The following GPR137 variants were observed in gnomAD, a reference collection of about 807,000 sequenced individuals.
GPR137 encodes the protein integral membrane protein GPR137.
Under a neutral mutation model 38.9 loss-of-function variants are expected in GPR137, and 20 were observed. The ratio of observed to expected loss-of-function variants is 0.51; its 90% CI spans 0.36 to 0.75. The LOEUF (loss-of-function observed/expected upper bound fraction) is 0.75, where lower values mean the gene tolerates loss of function less well. Ranked by LOEUF, GPR137 falls within the 30% of genes least tolerant of loss-of-function variation. The pLI is 0.00. For synonymous variants in GPR137, 226 were observed against 235.8 expected (o/e 0.96, Z 0.38); for missense variants, 456 against 526.4 (o/e 0.87, Z 1.31).
intron 2 of GPR137, 25 bp from the exon 3 acceptor site, chr11:64,287,696 C>T (rs374932913): frequency 1.2e-5 from 20 of 1,600,828 alleles, no homozygotes; most frequent in Admixed American, 5.0e-5. Context: ...GTTGAGGGCC[C>T]GCGCTGACTG....
upstream of GPR137, chr11:64,285,591 G>T (rs1252130627): frequency 1.0e-6 from 1 of 984,080 alleles, no homozygotes; most frequent in East Asian, 1.1e-4. Context: ...CGTGGGAACT[G>T]GCGGACCCCC....
chr11:64,280,319 C>A (rs1348998517), upstream of GPR137, among the ~76,000 whole-genome samples: 1 of 113,880 alleles, frequency 8.8e-6, no homozygotes, highest in East Asian at 2.7e-4. Flanking sequence ...GACTCCATGT[C>A]AAAAATAAAA....
At chr11:64,277,082 C>T (rs2033123049) in intron 2 of GPR137, 1 of 694,420 alleles carries the variant, frequency 1.4e-6, no homozygotes, top group African/African-American at 1.8e-5. Context: ...CACTTAATTA[C>T]AAGACACTTG....
upstream of GPR137, among the ~76,000 whole-genome samples, chr11:64,272,302 G>C (rs1297619050): frequency 6.6e-6 from 1 of 151,316 alleles, no homozygotes; most frequent in Non-Finnish European, 1.5e-5. Context: ...CTGGGCGACA[G>C]GCTTTTTTTC....
At chr11:64,271,742 G>A (rs776057256), upstream of GPR137, 6 of 1,444,452 alleles carry the variant, frequency 4.2e-6, no homozygotes, top group South Asian at 5.9e-5. Context: ...CCATCCCTTC[G>A]TCGTCCTCCG....
At chr11:64,284,840 T>A (rs2033771879), upstream of GPR137, 4 of 1,511,350 alleles carry the variant, frequency 2.6e-6, no homozygotes, top group Non-Finnish European at 3.5e-6. Context: ...CGCATCCTTT[T>A]TCCTCCCTCC....
upstream of GPR137, among the ~76,000 whole-genome samples, chr11:64,283,730 T>A (rs2033639578): frequency 6.6e-6 from 1 of 152,212 alleles, no homozygotes; most frequent in African/African-American, 2.4e-5. Flanking sequence ...GGCAGGCCCC[T>A]TTTCCTTTTC....
intron 2 of GPR137, chr11:64,276,946 G>T (rs566098716): frequency 7.9e-6 from 6 of 756,982 alleles, no homozygotes; most frequent in Non-Finnish European, 1.5e-5. Context: ...CTGAGTCAGC[G>T]GCTGGGGCGG....
Position 64,289,438 on chromosome 11 carries a change from C to G in GPR137, c.*242C>G. Reference sequence around the variant, plus strand: ...TGACCTGCCACCTCTGCTTCCACACCGGAGCCAGCTACCTCTCCTGTGCCT... The same window carrying G: ...TGACCTGCCACCTCTGCTTCCACACGGGAGCCAGCTACCTCTCCTGTGCCT... On this transcript the variant is annotated 3_prime_UTR_variant, in exon 7 of 7. Transcript: ENST00000438980. 5 of 1,516,888 alleles carry G rather than the reference C, an allele frequency of 3.3e-6. No individual in the cohort carries two copies. Among genetic ancestry groups the G allele is most frequent in the Non-Finnish European group, 4.4e-6 (5 of 1,136,898 alleles). 94.0% of individuals were successfully genotyped at this position (1,516,888 alleles called of 1,614,324 possible). A position where few individuals can be genotyped will look rare whatever the true frequency, so the allele number is the denominator to read the frequency against.
In GPR137 at chr11:64,287,733, A is replaced by G. The variant is rs767225221; in HGVS notation, c.420A>G (p.Arg140=). The change falls in exon 3 of 7, where the codon CGA becomes CGG. Residue 140 remains arginine, a synonymous_variant. Transcript: ENST00000438980. Reference sequence around the variant, plus strand: ...GCTGTGGCTGCAGGCTCGCTGTCCGAGGGGCCTTTGTGGGGGCCTCGCTGC... The same window carrying G: ...GCTGTGGCTGCAGGCTCGCTGTCCGGGGGGCCTTTGTGGGGGCCTCGCTGC... ...PEMSRGLLAV[R]GAFVGASLLF... The G allele has an allele frequency of 1.2e-6, 2 of 1,604,648 alleles. No individual in the cohort carries two copies. Among genetic ancestry groups the G allele is most frequent in the Admixed American group, 3.3e-5 (2 of 60,000 alleles).
At position 64,287,516 on chromosome 11, in the gene GPR137, G is replaced by T. The variant is rs139519093; in HGVS notation, c.408-205G>T. The T allele has an allele frequency of 8.2e-4, 544 of 666,274 alleles. 7 individuals are homozygous for T. The South Asian group carries it at 0.013, about 16-fold the overall frequency. 41.3% of individuals were successfully genotyped at this position (666,274 alleles called of 1,614,324 possible). A position where few individuals can be genotyped will look rare whatever the true frequency, so the allele number is the denominator to read the frequency against. On this transcript the variant is annotated intron_variant, in intron 2 of 6. Coordinates refer to ENST00000438980, the MANE Select transcript of GPR137 (RefSeq NM_001170880.2). Reference sequence around the variant, plus strand: ...GCTCAGACAGAGACTTCTGACTCCAGTTGGTGCACCTTCCGAAGTACCATG... The same window carrying T: ...GCTCAGACAGAGACTTCTGACTCCATTTGGTGCACCTTCCGAAGTACCATG...
In GPR137 at chr11:64,285,924, C is replaced by T. The variant is rs1185991408; in HGVS notation, c.-601C>T. On this transcript the variant is annotated 5_prime_UTR_variant, in exon 1 of 7. Transcript: ENST00000438980. ...GGCTCTCCCATCAGCGGCCTGAGGA[C>T]CTGGCGTCCGCCTCCTCCCTCCCCT... 3 of 966,730 alleles carry T rather than the reference C, an allele frequency of 3.1e-6. No homozygotes were observed. The highest frequency in any genetic ancestry group is 3.5e-5 in the African/African-American group (2 of 56,904). 59.9% of individuals were successfully genotyped at this position (966,730 alleles called of 1,614,324 possible).
At chr11:64,287,617 G>A (rs2034246600) in intron 2 of GPR137, 104 bp from the exon 3 acceptor site, 3 of 1,561,168 alleles carry the variant, frequency 1.9e-6, no homozygotes, top group Non-Finnish European at 2.6e-6. Flanking sequence ...GCTCAGACTG[G>A]ATGCCCTGAG....
rs746167396 is a variant in GPR137, at chr11:64,286,701, G to A, written c.177G>A (p.Gln59=). 1 of 1,613,932 alleles carries A rather than the reference G, an allele frequency of 6.2e-7. No individual in the cohort carries two copies. Among genetic ancestry groups the A allele is most frequent in the Non-Finnish European group, 8.5e-7 (1 of 1,179,882 alleles). Reference sequence around the variant, plus strand: ...ATGGGCACAAGCGTCTCAGCTATCAGACGGTGTTCCTGGCCCTCTGTCTGC... The same window carrying A: ...ATGGGCACAAGCGTCTCAGCTATCAAACGGTGTTCCTGGCCCTCTGTCTGC... The part of the protein sequence containing the change: ...LLYGHKRLSY[Q]TVFLALCLLW... Residue 59 remains glutamine (Q), a synonymous_variant, in exon 1 of 7, where the codon CAG becomes CAA. Coordinates refer to ENST00000438980, the MANE Select transcript of GPR137 (RefSeq NM_001170880.2).
chr11:64,288,746 T>A lies in GPR137; in HGVS notation c.1031+25T>A. ...GGTAGGAGCCGTGGCACTGCCTCAG[T>A]ACCCCTGCCCTACCCGCCCACCCCG... On this transcript the variant is annotated intron_variant, in intron 6 of 6. Transcript: ENST00000438980. This position sits in a 1 kb window ranked among gnomAD's most constrained non-coding sequence, Gnocchi z 5.5. 1 of 1,516,918 alleles carries A rather than the reference T, an allele frequency of 6.6e-7. No homozygotes were observed. The allele number at this position is 1,516,918 out of a possible 1,614,324, so 94.0% of individuals were successfully genotyped here. A position where few individuals can be genotyped will look rare whatever the true frequency, so the allele number is the denominator to read the frequency against.
chr11:64,285,787 G>A (rs1449981589), upstream of GPR137: 1 of 985,222 alleles, frequency 1.0e-6, no homozygotes, highest in Non-Finnish European at 1.2e-6. Flanking sequence ...GGAGCCAGCC[G>A]GGCCGCTGCG....
upstream of GPR137, chr11:64,271,563 G>T: frequency 2.9e-6 from 4 of 1,364,488 alleles, no homozygotes; most frequent in South Asian, 1.7e-5. Flanking sequence ...CAGACCGGCG[G>T]GGGGCGGCCT....
chr11:64,283,941 A>AT (rs2033657382), upstream of GPR137, among the ~76,000 whole-genome samples: 1 of 152,146 alleles, frequency 6.6e-6, no homozygotes, highest in Non-Finnish European at 1.5e-5. Context: ...GGCAGCAACC[A>AT]TTTTTTAGCT....
upstream of GPR137, chr11:64,271,559 G>C (rs2032608831): frequency 9.5e-6 from 13 of 1,362,998 alleles, no homozygotes; most frequent in East Asian, 3.9e-4. Context: ...GGGACAGACC[G>C]GCGGGGGGCG....
Sources: gnomAD v4.1 joint callset for allele counts (sites outside exome capture counted in the v4.1 genomes callset) on GRCh38, gnomAD v4.1.1 for gene constraint, Gnocchi (gnomAD v3.1) non-coding constraint, MANE v1.5 for transcripts, NCBI Gene and HGNC (gene_info 2026-07-23, HGNC 2026-07-21) for gene names.